The following ITGBL1 variants were observed in gnomAD, a reference collection of about 807,000 sequenced individuals.
ITGBL1 encodes integrin subunit beta like 1, also known as integrin beta-like protein 1.
Under a neutral mutation model 68.5 loss-of-function variants are expected in ITGBL1, and 51 were observed. That is an observed-to-expected ratio of 0.74 (90% CI 0.59 to 0.94). The LOEUF (loss-of-function observed/expected upper bound fraction) is 0.94, where lower values mean the gene tolerates loss of function less well. ITGBL1 is among the 40% of genes least tolerant of loss of function. The probability of loss-of-function intolerance (pLI) is 0.00; values close to 1 mark genes in which losing one functional copy is unlikely to be tolerated. For synonymous variants in ITGBL1, 209 were observed against 227.3 expected (o/e 0.92, Z 0.72); for missense variants, 649 against 647.4 (o/e 1.00, Z -0.03).
chr13:101,481,004 G>A (rs1158101776), intron 2 of ITGBL1, among the ~76,000 whole-genome samples: 2 of 65,112 alleles, frequency 3.1e-5, no homozygotes, highest in African/African-American at 5.9e-5. Context: ...CAAAAGATAT[G>A]TGTGTGTGTG....
chr13:101,665,065 A>G (rs1391410153), intron 7 of ITGBL1, among the ~76,000 whole-genome samples: 1 of 152,168 alleles, frequency 6.6e-6, no homozygotes, highest in Non-Finnish European at 1.5e-5. Context: ...GCTTTACAGT[A>G]TGTTTTAAAA....
chr13:101,694,920 GTAATTA>G (rs1441818909), intron 8 of ITGBL1, among the ~76,000 whole-genome samples: 1 of 152,116 alleles, frequency 6.6e-6, no homozygotes, highest in East Asian at 1.9e-4. Flanking sequence ...TTAAACTGAA[GTAATTA>G]TTTTTTCATT....
At chr13:101,711,199 A>G (rs1380761789) in intron 9 of ITGBL1, 4 of 152,234 alleles carry the variant, frequency 2.6e-5, no homozygotes, top group Non-Finnish European at 4.4e-5. Flanking sequence ...CTACACAATT[A>G]TATCTTTGCC....
At chr13:101,623,688 C>G (rs2031671200) in intron 7 of ITGBL1, among the ~76,000 whole-genome samples, 1 of 152,164 alleles carries the variant, frequency 6.6e-6, no homozygotes, top group Non-Finnish European at 1.5e-5. Flanking sequence ...CTGTTGTAAT[C>G]ACACTTAACC....
chr13:101,455,627 G>A (rs2048233157), intron 2 of ITGBL1, among the ~76,000 whole-genome samples: 1 of 152,198 alleles, frequency 6.6e-6, no homozygotes, highest in Non-Finnish European at 1.5e-5. Context: ...TCATGCCACT[G>A]CACTCCAGCC....
intron 3 of ITGBL1, among the ~76,000 whole-genome samples, chr13:101,571,945 AAAT>A (rs1477091142): frequency 6.6e-6 from 1 of 152,194 alleles, no homozygotes; most frequent in Non-Finnish European, 1.5e-5. Flanking sequence ...TTTGGATTGT[AAAT>A]AATAGTGCAC....
chr13:101,698,144 C>A (rs1188821037), intron 8 of ITGBL1, among the ~76,000 whole-genome samples: 2 of 152,106 alleles, frequency 1.3e-5, no homozygotes, highest in African/African-American at 2.4e-5. Flanking sequence ...GACACTAAAC[C>A]ATAAGATCTG....
At chr13:101,657,405 CAT>C (rs1472785530) in intron 7 of ITGBL1, among the ~76,000 whole-genome samples, 1 of 152,150 alleles carries the variant, frequency 6.6e-6, no homozygotes, top group Non-Finnish European at 1.5e-5. Context: ...GATGTTAACA[CAT>C]ATACAGAGAG....
chr13:101,701,655 A>C (rs2034139405), intron 8 of ITGBL1, among the ~76,000 whole-genome samples: 1 of 152,248 alleles, frequency 6.6e-6, no homozygotes, highest in South Asian at 2.1e-4. Context: ...CAAAGGCAGA[A>C]TATCAACTTC....
At chr13:101,465,296 T>C (rs1021244484) in intron 2 of ITGBL1, among the ~76,000 whole-genome samples, 3 of 152,296 alleles carry the variant, frequency 2.0e-5, no homozygotes, top group Admixed American at 6.5e-5. Flanking sequence ...TTAGGTTTCA[T>C]TGGAAATCCT....
chr13:101,582,624 A>G (rs1017076312), intron 5 of ITGBL1, among the ~76,000 whole-genome samples: 7 of 152,022 alleles, frequency 4.6e-5, no homozygotes, highest in African/African-American at 1.7e-4. Context: ...AGTCTTTTTT[A>G]TTTTTTAACA....
intron 7 of ITGBL1, among the ~76,000 whole-genome samples, chr13:101,659,501 C>T (rs961271210): frequency 2.0e-5 from 3 of 151,660 alleles, no homozygotes; most frequent in South Asian, 2.1e-4. Flanking sequence ...TGGTACCAGC[C>T]GAAGTATACA....
intron 2 of ITGBL1, among the ~76,000 whole-genome samples, chr13:101,541,457 G>A (rs1424939946): frequency 1.3e-5 from 2 of 152,172 alleles, no homozygotes; most frequent in African/African-American, 2.4e-5. Context: ...TGGTTTGCCA[G>A]TATTTTATTG....
At chr13:101,602,584 A>G (rs1166588079) in intron 7 of ITGBL1, among the ~76,000 whole-genome samples, 5 of 152,050 alleles carry the variant, frequency 3.3e-5, no homozygotes, top group African/African-American at 1.2e-4. Context: ...ATGTTAATAG[A>G]GATATAATTC....
At chr13:101,552,145 C>T (rs988432344) in intron 2 of ITGBL1, among the ~76,000 whole-genome samples, 9 of 152,188 alleles carry the variant, frequency 5.9e-5, no homozygotes, top group African/African-American at 2.2e-4. Flanking sequence ...GTACAGTTTG[C>T]AGTCCCTTTA....
At chr13:101,583,448 T>G in intron 6 of ITGBL1, 92 bp downstream of exon 6, 1 of 1,069,796 alleles carries the variant, frequency 9.3e-7, no homozygotes, top group Non-Finnish European at 1.3e-6. Context: ...AAAGAATAAA[T>G]AAGACATACT....
intron 2 of ITGBL1, among the ~76,000 whole-genome samples, chr13:101,557,828 T>C (rs1331490278): frequency 6.6e-6 from 1 of 152,040 alleles, no homozygotes; most frequent in African/African-American, 2.4e-5. Flanking sequence ...CGGTGGCTCA[T>C]GCCTGTAATC....
At chr13:101,545,526 T>G (rs1482722386) in intron 2 of ITGBL1, among the ~76,000 whole-genome samples, 1 of 152,214 alleles carries the variant, frequency 6.6e-6, no homozygotes, top group Non-Finnish European at 1.5e-5. Flanking sequence ...CAAGATTACT[T>G]GTTGAAAATA....
rs764606941 is a variant in ITGBL1, at chr13:101,706,845, G to A, written c.1222G>A (p.Glu408Lys). 9.3e-6 allele frequency: 15 copies of A among 1,614,182 alleles called. No homozygotes were observed. Among genetic ancestry groups the A allele is most frequent in the Admixed American group, 5.0e-5 (3 of 60,032 alleles). ...CQHPRKCNMTEEQSKNLCESA... is the reference protein window; with the variant it reads ...CQHPRKCNMTKEQSKNLCESA... Reference sequence around the variant, plus strand: ...ACATCCGCGGAAGTGTAACATGACGGAAGAACAAAGCAAGAATCTGTGTGA... The same window carrying A: ...ACATCCGCGGAAGTGTAACATGACGAAAGAACAAAGCAAGAATCTGTGTGA... Residue 408 changes from glutamate (E) to lysine (K), a missense_variant, in exon 9 of 11, where the codon GAA becomes AAA. Coordinates refer to ENST00000376180, the MANE Select transcript of ITGBL1 (RefSeq NM_004791.3).
Sources: gnomAD v4.1 joint callset for allele counts (sites outside exome capture counted in the v4.1 genomes callset) on GRCh38, gnomAD v4.1.1 for gene constraint, MANE v1.5 for transcripts, NCBI Gene and HGNC (gene_info 2026-07-23, HGNC 2026-07-21) for gene names.